ADGRL3: variants seen among roughly 807,000 people sequenced by gnomAD.
ADGRL3 encodes the protein adhesion G protein-coupled receptor L3.
ADGRL3 carries 62 observed loss-of-function variants against 153.5 expected under a neutral mutation model. The observed-to-expected ratio is 0.40, with a 90% CI of 0.33 to 0.50. The LOEUF (loss-of-function observed/expected upper bound fraction) is 0.50. Among genes scored for constraint, ADGRL3 ranks in the 20% least tolerant of loss-of-function variants. ADGRL3 has a pLI of 0.47. For missense variants in ADGRL3, 1,641 were observed against 1,859.4 expected (o/e 0.88, Z 2.16); for synonymous variants, 710 against 672.5 (o/e 1.06, Z -0.86).
intron 8 of ADGRL3, among the ~76,000 whole-genome samples, chr4:61,809,873 T>C (rs1201392333): frequency 2.0e-5 from 3 of 152,168 alleles, no homozygotes; most frequent in South Asian, 4.1e-4. Context: ...TTTTAATTAC[T>C]ACCTACGTAT....
intron 5 of ADGRL3, among the ~76,000 whole-genome samples, chr4:61,671,742 C>T (rs2095009435): frequency 6.6e-6 from 1 of 152,066 alleles, no homozygotes; most frequent in African/African-American, 2.4e-5. Flanking sequence ...CATCATAGTA[C>T]TCTTGAGAAC....
intron 5 of ADGRL3, among the ~76,000 whole-genome samples, chr4:61,634,698 T>C (rs2093341003): frequency 6.6e-6 from 1 of 152,064 alleles, no homozygotes; most frequent in East Asian, 1.9e-4. Context: ...TTATTTAAGA[T>C]GTAGAAAGTT....
chr4:61,633,936 A>T (rs1231504663), intron 5 of ADGRL3, among the ~76,000 whole-genome samples: 1 of 147,442 alleles, frequency 6.8e-6, no homozygotes, highest in Non-Finnish European at 1.5e-5. Flanking sequence ...GAGAAAGTCA[A>T]TTGGATTGTG....
intron 8 of ADGRL3, among the ~76,000 whole-genome samples, chr4:61,743,720 C>A (rs889164602): frequency 2.0e-5 from 3 of 151,618 alleles, no homozygotes; most frequent in African/African-American, 7.2e-5. Flanking sequence ...AAGAAAAAGA[C>A]AGGGGCTGGA....
At chr4:61,775,324 T>G in intron 8 of ADGRL3, 1 of 323,312 alleles carries the variant, frequency 3.1e-6, no homozygotes, top group Middle Eastern at 9.9e-4. Context: ...GAGTTAAGAA[T>G]TTGAAATACC....
intron 25 of ADGRL3, among the ~76,000 whole-genome samples, chr4:62,063,056 T>C (rs541495633): frequency 7.9e-4 from 121 of 152,246 alleles, no homozygotes; most frequent in African/African-American, 2.8e-3. Context: ...TTTACTTTCA[T>C]TGGAAACAAC....
At chr4:61,615,791 G>A (rs1451335539) in intron 5 of ADGRL3, among the ~76,000 whole-genome samples, 1 of 151,780 alleles carries the variant, frequency 6.6e-6, no homozygotes, top group Non-Finnish European at 1.5e-5. Flanking sequence ...GTATTTATAT[G>A]TATATATATA....
At chr4:61,435,451 T>C (rs1351640966) in intron 2 of ADGRL3, among the ~76,000 whole-genome samples, 2 of 152,132 alleles carry the variant, frequency 1.3e-5, no homozygotes, top group Non-Finnish European at 2.9e-5. Context: ...ATCATAAATA[T>C]GTTAAGTTTT....
Position 62,077,640 on chromosome 4 carries a change from C to G in ADGRL3, c.*6732C>G, listed in dbSNP as rs1329351102. 1 of 151,736 alleles carries G rather than the reference C, an allele frequency of 6.6e-6. No homozygotes were observed. Among genetic ancestry groups the G allele is most frequent in the East Asian group, 1.9e-4 (1 of 5,168 alleles). The allele number at this position is 151,736 out of a possible 1,614,324, so 9.4% of individuals were successfully genotyped here. On this transcript the variant is annotated 3_prime_UTR_variant, in exon 27 of 27. Transcript: ENST00000683033. ...GAGTGCATTCTTAGGCTAATTAGTG[C>G]CTAGTCCTCTGGAGTATTTTTTAAT...
chr4:62,027,710 A>G (rs370147799), intron 21 of ADGRL3, among the ~76,000 whole-genome samples: 2 of 151,952 alleles, frequency 1.3e-5, no homozygotes, highest in African/African-American at 4.8e-5. Flanking sequence ...TCTAATAATA[A>G]TAACCGTATA....
intron 17 of ADGRL3, among the ~76,000 whole-genome samples, chr4:61,964,150 C>T (rs774007075): frequency 6.6e-6 from 1 of 152,092 alleles, no homozygotes; most frequent in Non-Finnish European, 1.5e-5. Flanking sequence ...TAAGTAATTC[C>T]TTTTTGTTCT....
In ADGRL3 at chr4:61,235,878, A is replaced by T. The variant is rs1047847617; in HGVS notation, c.-240+34113A>T. ...CTGGTCCCTGTGAAGGTTATTTGTCATTGTAAATTAATAAGGTCACATTCC... is the reference window on the plus strand; with the variant it reads ...CTGGTCCCTGTGAAGGTTATTTGTCTTTGTAAATTAATAAGGTCACATTCC... On this transcript the variant is annotated intron_variant, in intron 1 of 26. Transcript: ENST00000683033. Among the ~76,000 whole-genome samples the T allele has an allele frequency of 1.2e-4, 19 of 152,228 alleles. 1 individual carries two copies. Among genetic ancestry groups the T allele is most frequent in the Middle Eastern group, 6.8e-3 (2 of 294 alleles).
In ADGRL3 at chr4:61,892,704, C is replaced by G. The variant is rs1300437175; in HGVS notation, c.1529C>G (p.Thr510Ser). The change falls in exon 10 of 27, where the codon ACC (threonine) becomes AGC (serine). Residue 510 changes from threonine (T) to serine (S), a missense_variant. Physicochemically the swap from Thr to Ser is moderately conservative, Grantham distance 58 (BLOSUM62 1). This residue lies in a region of ADGRL3 where 734 missense variants were observed against 797.0 expected (regional missense o/e 0.92). Coordinates refer to ENST00000683033, the MANE Select transcript of ADGRL3 (RefSeq NM_001387552.1). ...GGCATGGGAAGCACTACCACCAGTA[C>G]CACCCTTCGGACCACAACTTTGAGC... ...PLGMGSTTTS[T>S]TLRTTTLSPG... 1 of 1,613,934 alleles carries G rather than the reference C, an allele frequency of 6.2e-7. No individual in the cohort carries two copies. Among genetic ancestry groups the G allele is most frequent in the East Asian group, 2.2e-5 (1 of 44,874 alleles).
At chr4:61,298,308 T>G (rs2094476857) in intron 1 of ADGRL3, among the ~76,000 whole-genome samples, 1 of 152,186 alleles carries the variant, frequency 6.6e-6, no homozygotes, top group Non-Finnish European at 1.5e-5. Context: ...AGAATTAGAT[T>G]AATTTCATTT....
chr4:61,347,909 A>G (rs2095956234), intron 1 of ADGRL3, among the ~76,000 whole-genome samples: 1 of 152,240 alleles, frequency 6.6e-6, no homozygotes, highest in East Asian at 1.9e-4. Flanking sequence ...TAAAAAGACT[A>G]TATTCACATT....
chr4:61,432,648 T>TTCTTTCTTTCTTTCTTTCTTTCTTTC (rs1560623730), intron 2 of ADGRL3, among the ~76,000 whole-genome samples: 5 of 41,568 alleles, frequency 1.2e-4, no homozygotes, highest in African/African-American at 4.2e-4. Context: ...CTTTCTTTCT[T>TTCTTTCTTTCTTTCTTTCTTTCTTTC]TCTTTCTTTT....
intron 5 of ADGRL3, among the ~76,000 whole-genome samples, chr4:61,656,365 G>A (rs1357899485): frequency 6.6e-6 from 1 of 151,906 alleles, no homozygotes; most frequent in Non-Finnish European, 1.5e-5. Flanking sequence ...TTTTTTGTGG[G>A]GGGGGTGAAA....
chr4:61,754,485 G>T (rs1262843062), intron 8 of ADGRL3, among the ~76,000 whole-genome samples: 2 of 151,804 alleles, frequency 1.3e-5, no homozygotes, highest in Non-Finnish European at 2.9e-5. Context: ...AATCAAAAAA[G>T]TAATTTAAAA....
intron 2 of ADGRL3, among the ~76,000 whole-genome samples, chr4:61,466,847 A>G (rs898899822): frequency 2.7e-5 from 4 of 150,888 alleles, no homozygotes; most frequent in African/African-American, 7.3e-5. Flanking sequence ...AGCTCCTAGA[A>G]TTTTTTTTTT....
Sources: allele counts gnomAD v4.1 joint callset (sites outside exome capture counted in the v4.1 genomes callset), GRCh38; gene constraint gnomAD v4.1.1; regional missense constraint gnomAD v4.1.1; transcripts MANE v1.5; gene names NCBI Gene and HGNC (gene_info 2026-07-23, HGNC 2026-07-21).